The following COLEC12 variants were observed in gnomAD, a reference collection of about 807,000 sequenced individuals.
The protein encoded by COLEC12 is collectin subfamily member 12.
In COLEC12, 33 loss-of-function variants were observed where a neutral mutation model predicts 71.1. That is an observed-to-expected ratio of 0.46 (90% CI 0.35 to 0.62). The LOEUF (loss-of-function observed/expected upper bound fraction) is 0.62. Among genes scored for constraint, COLEC12 ranks in the 20% least tolerant of loss-of-function variants. COLEC12 has a pLI of 0.00. For synonymous variants in COLEC12, 350 were observed against 353.0 expected (o/e 0.99, Z 0.10); for missense variants, 765 against 916.1 (o/e 0.84, Z 2.13).
intron 2 of COLEC12, among the ~76,000 whole-genome samples, chr18:404,193 T>C (rs1026893997): frequency 6.6e-6 from 1 of 152,196 alleles, no homozygotes; most frequent in Non-Finnish European, 1.5e-5. Context: ...TCTCTTGAAC[T>C]GAAATAATTC....
chr18:353,875 T>G (rs1914573697), intron 3 of COLEC12, among the ~76,000 whole-genome samples: 1 of 152,238 alleles, frequency 6.6e-6, no homozygotes, highest in South Asian at 2.1e-4. Flanking sequence ...GGTGTTATCC[T>G]GGATCCTAAA....
intron 1 of COLEC12, among the ~76,000 whole-genome samples, chr18:493,056 A>G (rs1411068993): frequency 1.3e-5 from 2 of 152,182 alleles, no homozygotes; most frequent in Non-Finnish European, 2.9e-5. Context: ...TACAAAAATT[A>G]GTTGGCCATG....
chr18:349,867 A>T (rs1337953664), intron 3 of COLEC12, among the ~76,000 whole-genome samples: 1 of 152,214 alleles, frequency 6.6e-6, no homozygotes, highest in Non-Finnish European at 1.5e-5. Flanking sequence ...CCATTTGGAA[A>T]GGCTATATTT....
chr18:470,255 G>A (rs749840799), intron 2 of COLEC12, among the ~76,000 whole-genome samples: 15 of 110,902 alleles, frequency 1.4e-4, no homozygotes, highest in African/African-American at 2.7e-4. Context: ...TTTTTGAGAC[G>A]GAGTCTCGCT....
At chr18:451,288 C>T (rs150513053) in intron 2 of COLEC12, among the ~76,000 whole-genome samples, 10 of 152,246 alleles carry the variant, frequency 6.6e-5, no homozygotes, top group Admixed American at 2.0e-4. Flanking sequence ...GACTGCTGGA[C>T]GTTTCCACCT....
chr18:357,375 A>G, intron 3 of COLEC12, 25 bp downstream of exon 3: 1 of 1,578,864 alleles, frequency 6.3e-7, no homozygotes, highest in Non-Finnish European at 8.6e-7. Flanking sequence ...TGTTATTTGG[A>G]AGAAAAAAAA....
At chr18:349,648 C>A (rs181654576) in intron 3 of COLEC12, among the ~76,000 whole-genome samples, 2 of 152,330 alleles carry the variant, frequency 1.3e-5, no homozygotes, top group Non-Finnish European at 2.9e-5. Flanking sequence ...TCAACACCAG[C>A]CATGAAAGCA....
chr18:382,706 A>G (rs1386907528), intron 2 of COLEC12, among the ~76,000 whole-genome samples: 1 of 152,218 alleles, frequency 6.6e-6, no homozygotes, highest in East Asian at 1.9e-4. Context: ...ATGCATTTAC[A>G]GTGAATACAG....
At chr18:466,699 T>C (rs558767191) in intron 2 of COLEC12, among the ~76,000 whole-genome samples, 1 of 152,316 alleles carries the variant, frequency 6.6e-6, no homozygotes, top group African/African-American at 2.4e-5. Flanking sequence ...GGTACAGTGG[T>C]GAACAAAACA....
intron 7 of COLEC12, among the ~76,000 whole-genome samples, chr18:332,804 C>T (rs768581774): frequency 6.6e-6 from 1 of 152,216 alleles, no homozygotes; most frequent in Non-Finnish European, 1.5e-5. Context: ...GCAATATCTT[C>T]CAGGAAGAAT....
At chr18:444,638 G>T (rs1916610384) in intron 2 of COLEC12, among the ~76,000 whole-genome samples, 1 of 152,166 alleles carries the variant, frequency 6.6e-6, no homozygotes, top group African/African-American at 2.4e-5. Context: ...GGAGGTGGGG[G>T]TGAGGTAGGG....
chr18:479,550 T>TCTCACACA (rs1555622841), intron 2 of COLEC12, among the ~76,000 whole-genome samples: 1,755 of 149,356 alleles, frequency 0.012, 33 homozygotes, highest in African/African-American at 0.04. Flanking sequence ...TCTCTCTCTC[T>TCTCACACA]CACACACACA....
intron 5 of COLEC12, 58 bp from the exon 6 acceptor site, chr18:335,288 A>G: frequency 6.6e-7 from 1 of 1,523,394 alleles, no homozygotes; most frequent in Non-Finnish European, 8.7e-7. Flanking sequence ...ATAGTTATGA[A>G]TAATTTTTCT....
intron 2 of COLEC12, among the ~76,000 whole-genome samples, chr18:430,146 TG>T (rs1916274087): frequency 6.6e-6 from 1 of 152,114 alleles, no homozygotes; most frequent in African/African-American, 2.4e-5. Context: ...AAGACCAGCC[TG>T]GCCATCATGG....
At chr18:495,068 T>C (rs1488028551) in intron 1 of COLEC12, among the ~76,000 whole-genome samples, 2 of 152,264 alleles carry the variant, frequency 1.3e-5, no homozygotes, top group South Asian at 2.1e-4. Context: ...TTGGGATTAC[T>C]AATTTATGTT....
intron 8 of COLEC12, among the ~76,000 whole-genome samples, chr18:322,193 T>TAG (rs146869750): frequency 6.7e-6 from 1 of 149,706 alleles, no homozygotes; most frequent in African/African-American, 2.5e-5. Context: ...GAGGACATGA[T>TAG]ACACACACAC....
intron 2 of COLEC12, among the ~76,000 whole-genome samples, chr18:392,180 T>TTCC (rs978672667): frequency 9.8e-5 from 15 of 152,318 alleles, no homozygotes; most frequent in African/African-American, 3.6e-4. Context: ...GCAGAAAGCC[T>TTCC]TCCCTACCTA....
chr18:356,728 C>G (rs1914635932), intron 3 of COLEC12, among the ~76,000 whole-genome samples: 1 of 152,196 alleles, frequency 6.6e-6, no homozygotes, highest in South Asian at 2.1e-4. Flanking sequence ...ACGACACCTT[C>G]TACCTATGGT....
chr18:377,024 T>G (rs1290702438), intron 2 of COLEC12, among the ~76,000 whole-genome samples: 3 of 152,188 alleles, frequency 2.0e-5, no homozygotes, highest in Non-Finnish European at 4.4e-5. Context: ...TGGTAAGAAA[T>G]AGAAGAAGGA....
Sources: gnomAD v4.1 joint callset for allele counts (sites outside exome capture counted in the v4.1 genomes callset) on GRCh38, gnomAD v4.1.1 for gene constraint, MANE v1.5 for transcripts, NCBI Gene and HGNC (gene_info 2026-07-23, HGNC 2026-07-21) for gene names.